SDK1: variants seen among roughly 807,000 people sequenced by gnomAD.
The protein encoded by SDK1 is sidekick cell adhesion molecule 1.
A neutral mutation model predicts 245.5 loss-of-function variants in SDK1; 157 were observed. The observed-to-expected ratio is 0.64, with a 90% CI of 0.56 to 0.73. SDK1 has a LOEUF of 0.73. SDK1 is among the 30% of genes least tolerant of loss of function. The pLI, the probability that SDK1 is intolerant of heterozygous loss-of-function variation, is 0.00. For missense variants in SDK1, 3,583 were observed against 3,002.3 expected (o/e 1.19, Z -4.52); for synonymous variants, 1,647 against 1,278.5 (o/e 1.29, Z -6.15).
At chr7:4,228,074 T>C (rs921805951) in intron 40 of SDK1, among the ~76,000 whole-genome samples, 10 of 152,266 alleles carry the variant, frequency 6.6e-5, no homozygotes, top group African/African-American at 2.4e-4. Context: ...ATAGTTCATA[T>C]TCTTTAAAGA....
intron 1 of SDK1, among the ~76,000 whole-genome samples, chr7:3,576,693 G>A (rs1278946539): frequency 1.3e-5 from 2 of 152,034 alleles, no homozygotes; most frequent in East Asian, 1.9e-4. Context: ...TGGTGTGTAT[G>A]TGGCTGCATT....
At chr7:3,793,585 G>A (rs1248711449) in intron 4 of SDK1, among the ~76,000 whole-genome samples, 3 of 152,088 alleles carry the variant, frequency 2.0e-5, no homozygotes, top group African/African-American at 7.2e-5. Context: ...TTCTTGTGTC[G>A]ATTCTATAGC....
At chr7:4,193,984 A>G (rs1783389104) in intron 35 of SDK1, among the ~76,000 whole-genome samples, 1 of 152,126 alleles carries the variant, frequency 6.6e-6, no homozygotes, top group East Asian at 1.9e-4. Flanking sequence ...AACTCTCTAA[A>G]CAATTCACGC....
intron 11 of SDK1, among the ~76,000 whole-genome samples, chr7:3,971,094 A>C (rs7776705): frequency 0.44 from 67,050 of 152,036 alleles, 17,036 homozygotes; most frequent in African/African-American, 0.71. Context: ...GACAGACTCA[A>C]AAAGTACCAT....
intron 5 of SDK1, among the ~76,000 whole-genome samples, chr7:3,865,840 T>G (rs1378554529): frequency 6.6e-6 from 1 of 152,176 alleles, no homozygotes; most frequent in Non-Finnish European, 1.5e-5. Context: ...ATTTTTCTTC[T>G]AAATAACCCA....
chr7:3,558,465 C>G (rs928666054), intron 1 of SDK1, among the ~76,000 whole-genome samples: 2 of 152,180 alleles, frequency 1.3e-5, no homozygotes, highest in Non-Finnish European at 2.9e-5. Context: ...TTGAAAAGAT[C>G]ATAGAGAAGA....
chr7:3,442,268 G>A (rs774695669), intron 1 of SDK1, among the ~76,000 whole-genome samples: 5 of 152,218 alleles, frequency 3.3e-5, no homozygotes, highest in Non-Finnish European at 5.9e-5. Context: ...TTAAAGCTCC[G>A]CATTTTTCTA....
intron 1 of SDK1, among the ~76,000 whole-genome samples, chr7:3,585,669 C>T (rs781112479): frequency 9.2e-5 from 14 of 152,010 alleles, no homozygotes; most frequent in Admixed American, 5.9e-4. Context: ...AGCAGGTGTG[C>T]TGAGGTGGCT....
chr7:3,727,787 G>A (rs984798674), intron 4 of SDK1, among the ~76,000 whole-genome samples: 13 of 152,148 alleles, frequency 8.5e-5, no homozygotes, highest in African/African-American at 1.4e-4. Flanking sequence ...CACCGCGCCC[G>A]GCCGAGAAAT....
intron 1 of SDK1, among the ~76,000 whole-genome samples, chr7:3,488,222 T>C (rs1781762004): frequency 6.6e-6 from 1 of 152,174 alleles, no homozygotes; most frequent in African/African-American, 2.4e-5. Context: ...TCCTCCCCAA[T>C]TTTATGCTGT....
intron 4 of SDK1, among the ~76,000 whole-genome samples, chr7:3,747,698 G>GGTGT (rs148784234): frequency 4.7e-5 from 7 of 148,840 alleles, no homozygotes; most frequent in African/African-American, 1.0e-4. Context: ...CTTAGCCTGG[G>GGTGT]GTGTGTGTGT....
intron 1 of SDK1, among the ~76,000 whole-genome samples, chr7:3,486,464 A>G (rs1019103277): frequency 6.6e-6 from 1 of 150,778 alleles, no homozygotes; most frequent in Non-Finnish European, 1.5e-5. Flanking sequence ...TTTTGTTTTT[A>G]CCCCCCTAAT....
rs1276591433 is a variant in SDK1 at position 4,264,475 on chromosome 7, C to T, written c.6382-649C>T. Among the ~76,000 whole-genome samples the T allele has an allele frequency of 4.6e-5, 6 of 129,192 alleles. No homozygotes were observed. In the South Asian group the frequency reaches 8.5e-4, roughly 18 times the overall value. 84.8% of individuals were successfully genotyped at this position (129,192 alleles called of 152,430 possible). On this transcript the variant is annotated intron_variant, in intron 44 of 44. Coordinates refer to ENST00000404826, the MANE Select transcript of SDK1 (RefSeq NM_152744.4). Reference sequence around the variant, plus strand: ...TGGACCTCTCCTGAGTGAGGGAGGCCGCGTGGACCTCTCCTGAGTGAGGGA... The same window carrying T: ...TGGACCTCTCCTGAGTGAGGGAGGCTGCGTGGACCTCTCCTGAGTGAGGGA...
At chr7:3,916,165 G>A (rs1779371388) in intron 5 of SDK1, among the ~76,000 whole-genome samples, 1 of 152,162 alleles carries the variant, frequency 6.6e-6, no homozygotes, top group African/African-American at 2.4e-5. Context: ...AAGAGGGAGG[G>A]AGAGGAGGCA....
chr7:3,650,771 ATC>A (rs1358073092), intron 4 of SDK1, among the ~76,000 whole-genome samples: 11 of 151,158 alleles, frequency 7.3e-5, no homozygotes, highest in African/African-American at 2.4e-4. Context: ...AAGTTTTGTC[ATC>A]TCAAGAATGT....
intron 17 of SDK1, among the ~76,000 whole-genome samples, chr7:4,021,633 C>T (rs1786904673): frequency 6.6e-6 from 1 of 152,200 alleles, no homozygotes; most frequent in South Asian, 2.1e-4. Context: ...TGCGTCCCCA[C>T]TCTAGAAGGC....
chr7:3,570,538 G>C (rs1220389144), intron 1 of SDK1, among the ~76,000 whole-genome samples: 1 of 152,126 alleles, frequency 6.6e-6, no homozygotes, highest in Non-Finnish European at 1.5e-5. Context: ...TCTGCATCTT[G>C]CTGGATGAGG....
chr7:4,115,326 T>C (rs1205951870), intron 25 of SDK1, among the ~76,000 whole-genome samples: 1 of 152,132 alleles, frequency 6.6e-6, no homozygotes, highest in Non-Finnish European at 1.5e-5. Context: ...AAATACAACT[T>C]AAATTCCTGA....
intron 1 of SDK1, among the ~76,000 whole-genome samples, chr7:3,611,053 G>A (rs78871081): frequency 0.031 from 4,756 of 152,280 alleles, 224 homozygotes; most frequent in African/African-American, 0.1. Flanking sequence ...AATTGTAGCT[G>A]CCTTTCATCC....
Sources: allele counts gnomAD v4.1 joint callset (sites outside exome capture counted in the v4.1 genomes callset), GRCh38; gene constraint gnomAD v4.1.1; transcripts MANE v1.5; gene names NCBI Gene and HGNC (gene_info 2026-07-23, HGNC 2026-07-21).